WSCD2: variants seen among roughly 807,000 people sequenced by gnomAD.
The protein encoded by WSCD2 is WSC domain sialate O sulfotransferase 2.
Under a neutral mutation model 55.7 loss-of-function variants are expected in WSCD2, and 28 were observed. That is an observed-to-expected ratio of 0.50 (90% confidence interval 0.37 to 0.69). The LOEUF (loss-of-function observed/expected upper bound fraction) is 0.69. WSCD2 is among the 30% of genes least tolerant of loss of function. The pLI is 0.00. For synonymous variants in WSCD2, 301 were observed against 301.9 expected (o/e 1.00, Z 0.03); for missense variants, 616 against 762.1 (o/e 0.81, Z 2.26).
rs1284950908 is a variant in WSCD2 at position 108,163,986 on chromosome 12, T to C, written c.-551-31296T>C. Among the ~76,000 whole-genome samples the C allele has an allele frequency of 2.0e-5, 3 of 152,038 alleles. No homozygotes were observed. The East Asian group carries it at 5.8e-4, about 29-fold the overall frequency. On this transcript the variant is annotated intron_variant, in intron 1 of 8. Transcript: ENST00000547525. ...AATGCCTGGAAAGGTAGTGAATAAA[T>C]GAGTGAAACATAGTGGCATCAGTGA...
chr12:108,246,849 G>A (rs1253612208), intron 8 of WSCD2, among the ~76,000 whole-genome samples: 3 of 152,202 alleles, frequency 2.0e-5, no homozygotes, highest in Non-Finnish European at 4.4e-5. Context: ...GAGTGCTGTG[G>A]GGGGCTGCAG....
intron 2 of WSCD2, among the ~76,000 whole-genome samples, chr12:108,200,022 C>G (rs1289258374): frequency 6.6e-6 from 1 of 152,212 alleles, no homozygotes; most frequent in Non-Finnish European, 1.5e-5. Context: ...TAAAGTCACA[C>G]AGCTAATCTG....
At chr12:108,205,143 T>C (rs968565453) in intron 2 of WSCD2, among the ~76,000 whole-genome samples, 8 of 152,180 alleles carry the variant, frequency 5.3e-5, no homozygotes, top group Admixed American at 2.0e-4. Context: ...AATGTCAATG[T>C]TCTCCACTTC....
intron 1 of WSCD2, among the ~76,000 whole-genome samples, chr12:108,134,317 C>T (rs1394495049): frequency 6.6e-6 from 1 of 152,196 alleles, no homozygotes. Context: ...TATGCCCCTG[C>T]CCCCTCCCTT....
At chr12:108,197,192 C>T (rs888393706) in intron 2 of WSCD2, 3 of 152,338 alleles carry the variant, frequency 2.0e-5, no homozygotes, top group African/African-American at 7.2e-5. Context: ...TGGAAAATCT[C>T]ACTAGCCTTT....
At chr12:108,130,478 GTGTGTGTGTGTGT>G (rs1875382259) in intron 1 of WSCD2, among the ~76,000 whole-genome samples, 1 of 46,576 alleles carries the variant, frequency 2.1e-5, no homozygotes, top group Non-Finnish European at 4.6e-5. Context: ...ATTCTGGGGT[GTGTGTGTGTGTGT>G]GTGTGTGTGT....
At chr12:108,222,462 G>A (rs1887634245) in intron 4 of WSCD2, among the ~76,000 whole-genome samples, 1 of 152,230 alleles carries the variant, frequency 6.6e-6, no homozygotes, top group Admixed American at 6.5e-5. Flanking sequence ...GCTCAGCAGA[G>A]CAGATGACAC....
At chr12:108,226,683 T>C (rs972619036) in intron 5 of WSCD2, among the ~76,000 whole-genome samples, 1 of 152,134 alleles carries the variant, frequency 6.6e-6, no homozygotes, top group Non-Finnish European at 1.5e-5. Context: ...AGTATGGAGA[T>C]GTATGGAAGT....
chr12:108,163,047 T>G (rs1319934068), intron 1 of WSCD2, among the ~76,000 whole-genome samples: 1 of 152,194 alleles, frequency 6.6e-6, no homozygotes. Flanking sequence ...TGAATCGTAT[T>G]CCTATGGACA....
At chr12:108,170,174 C>A (rs542247316) in intron 1 of WSCD2, among the ~76,000 whole-genome samples, 188 of 152,058 alleles carry the variant, frequency 1.2e-3, no homozygotes, top group African/African-American at 4.3e-3. Context: ...CAAACAAGAA[C>A]CACCTTTCAG....
At chr12:108,185,005 C>A (rs998336574) in intron 1 of WSCD2, among the ~76,000 whole-genome samples, 1 of 152,114 alleles carries the variant, frequency 6.6e-6, no homozygotes, top group African/African-American at 2.4e-5. Context: ...AGCCCCTTCC[C>A]CCATAAACTC....
chr12:108,166,745 C>CTT (rs1482889768), intron 1 of WSCD2, among the ~76,000 whole-genome samples: 3 of 49,460 alleles, frequency 6.1e-5, no homozygotes, highest in Admixed American at 3.9e-4. Flanking sequence ...TCTTTCTTTC[C>CTT]TTCTTTCTTT....
At chr12:108,176,342 G>A (rs956808182) in intron 1 of WSCD2, among the ~76,000 whole-genome samples, 1 of 152,072 alleles carries the variant, frequency 6.6e-6, no homozygotes, top group African/African-American at 2.4e-5. Flanking sequence ...TCTCGCCCCT[G>A]ACAACCACTA....
intron 1 of WSCD2, among the ~76,000 whole-genome samples, chr12:108,185,447 A>G (rs1020626042): frequency 6.6e-6 from 1 of 151,964 alleles, no homozygotes; most frequent in African/African-American, 2.4e-5. Context: ...TCTCCTTGTC[A>G]TTTTGCAGAT....
At chr12:108,188,183 C>T (rs1379857841) in intron 1 of WSCD2, among the ~76,000 whole-genome samples, 1 of 152,028 alleles carries the variant, frequency 6.6e-6, no homozygotes, top group African/African-American at 2.4e-5. Context: ...AGGCTGTGAG[C>T]GTAGGGTAGT....
At chr12:108,150,830 T>C (rs550705940) in intron 1 of WSCD2, among the ~76,000 whole-genome samples, 22 of 152,266 alleles carry the variant, frequency 1.4e-4, no homozygotes, top group Middle Eastern at 6.8e-3. Flanking sequence ...AGCAGGCACT[T>C]GAGCAGACCT....
chr12:108,241,700 G>A (rs1377710540), intron 8 of WSCD2, among the ~76,000 whole-genome samples: 1 of 152,192 alleles, frequency 6.6e-6, no homozygotes, highest in Non-Finnish European at 1.5e-5. Context: ...TAGATCTCAT[G>A]TTAAGTGTTT....
intron 1 of WSCD2, among the ~76,000 whole-genome samples, chr12:108,156,563 G>A (rs1309812426): frequency 6.6e-6 from 1 of 152,168 alleles, no homozygotes; most frequent in Non-Finnish European, 1.5e-5. Flanking sequence ...TAAGGAGCCA[G>A]CACATTAAAA....
rs1348135965 is a variant in WSCD2 at position 108,227,161 on chromosome 12, C to T, written c.976C>T (p.Gln326Ter). 6.2e-7 allele frequency: 1 copy of T among 1,612,930 alleles called. No individual in the cohort carries two copies. The highest frequency in any genetic ancestry group is 1.1e-5 in the South Asian group (1 of 90,780). Reference sequence around the variant, plus strand: ...CTTCATTGTGTACCAGACACAAGTCCAAGGTGAGCTAGGCCCTTCCCCAGT... The same window carrying T: ...CTTCATTGTGTACCAGACACAAGTCTAAGGTGAGCTAGGCCCTTCCCCAGT... Reference protein sequence around the residue: ...SYFIVYQTQVQDNRCMDRRFL... With the variant: ...SYFIVYQTQV Residue 326 changes from glutamine to a stop codon, truncating the protein, a stop_gained, in exon 6 of 9, where the codon CAA (glutamine) becomes TAA (stop). Coordinates refer to ENST00000547525, the MANE Select transcript of WSCD2 (RefSeq NM_014653.4). LOFTEE classifies it high-confidence loss of function.
Sources: allele counts gnomAD v4.1 joint callset (sites outside exome capture counted in the v4.1 genomes callset), GRCh38; gene constraint gnomAD v4.1.1; transcripts MANE v1.5; gene names NCBI Gene and HGNC (gene_info 2026-07-23, HGNC 2026-07-21).